The following GLB1L3 variants were observed in gnomAD, a reference collection of about 807,000 sequenced individuals.
GLB1L3 encodes beta-galactosidase-1-like protein 3.
A neutral mutation model predicts 89.5 loss-of-function variants in GLB1L3; 89 were observed. That is an observed-to-expected ratio of 0.99 (90% CI 0.84 to 1.19). The LOEUF (loss-of-function observed/expected upper bound fraction) is 1.19. GLB1L3 is among the 50% of genes most tolerant of loss of function. GLB1L3 has a pLI of 0.00. For missense variants in GLB1L3, 812 were observed against 813.3 expected, an observed-to-expected ratio of 1.00 and a Z score of 0.02; for synonymous variants, 314 against 312.3, an observed-to-expected ratio of 1.01 and a Z score of -0.06.
At chr11:134,318,807 G>A (rs748789347) in intron 19 of GLB1L3, 60 bp downstream of exon 19, 1 of 1,533,886 alleles carries the variant, frequency 6.5e-7, no homozygotes, top group Middle Eastern at 1.7e-4. Flanking sequence ...AATGTGAGTT[G>A]CAGTGTCTTT....
At chr11:134,318,493 A>G (rs2136238809) in intron 18 of GLB1L3, 138 bp from the exon 19 acceptor site, 3 of 618,880 alleles carry the variant, frequency 4.8e-6, no homozygotes, top group South Asian at 1.9e-5. Context: ...TAGAAGTTCT[A>G]TAACATATCC....
Position 134,282,093 on chromosome 11 carries a change from G to C in GLB1L3, c.500G>C (p.Ser167Thr). ...VILRPGRYICSEMDLGGLPSW... is the reference protein window; with the variant it reads ...VILRPGRYICTEMDLGGLPSW... ...CTGCGTCCAGGCCGCTACATCTGCA[G>C]TGAGATGGACCTCGGGGGCTTGCCC... Residue 167 changes from serine to threonine, a missense_variant, in exon 5 of 20, where the codon AGT (serine) becomes ACT (threonine). Ser to Thr is a moderately conservative substitution (Grantham distance 58). Around this residue, in one of 3 missense-constraint regions of GLB1L3, gnomAD observed 618 missense variants for 604.0 expected, o/e 1.02. Transcript: ENST00000431683. 6.4e-7 allele frequency: 1 copy of C among 1,565,682 alleles called. No homozygotes were observed. The highest frequency in any genetic ancestry group is 8.7e-7 in the Non-Finnish European group (1 of 1,152,000).
At chr11:134,322,980 A>C (rs1943184578), downstream of GLB1L3, among the ~76,000 whole-genome samples, 1 of 152,190 alleles carries the variant, frequency 6.6e-6, no homozygotes. Context: ...TAACTTTTCC[A>C]TAAAGCATTA....
intron 7 of GLB1L3, among the ~76,000 whole-genome samples, chr11:134,290,072 G>A (rs886999995): frequency 7.9e-5 from 12 of 152,254 alleles, no homozygotes; most frequent in East Asian, 3.8e-4. Flanking sequence ...TGGCTCCCGC[G>A]CTATAGCTGT....
In GLB1L3 at chr11:134,293,223, G is replaced by A; in HGVS notation, c.876+14G>A. 1 of 1,609,354 alleles carries A rather than the reference G, an allele frequency of 6.2e-7. No homozygotes were observed. Among genetic ancestry groups the A allele is most frequent in the East Asian group, 2.2e-5 (1 of 44,828 alleles). ...CATAAAGTCCAGGTAAGACATTTCA[G>A]ACAGGCAGGGTTTTACAGCTCCTCC... On this transcript the variant is annotated intron_variant, in intron 9 of 19. Transcript: ENST00000431683.
In GLB1L3 at chr11:134,318,908, C is replaced by T; in HGVS notation, c.1928C>T (p.Ser643Leu). ...VILFEKMMSG[S>L]DIKSTDKPTL Reference sequence around the variant, plus strand: ...TTGTTTGAGAAGATGATGAGTGGCTCAGATATCAAATCTACAGACAAGCCC... The same window carrying T: ...TTGTTTGAGAAGATGATGAGTGGCTTAGATATCAAATCTACAGACAAGCCC... The change falls in exon 20 of 20, where the codon TCA becomes TTA. Residue 643 changes from serine to leucine, a missense_variant. Physicochemically the swap from Ser to Leu is moderately radical, Grantham distance 145. Coordinates refer to ENST00000431683, the MANE Select transcript of GLB1L3 (RefSeq NM_001080407.3). The T allele has an allele frequency of 2.5e-6, 4 of 1,613,198 alleles. No homozygotes were observed. The highest frequency in any genetic ancestry group is 3.4e-6 in the Non-Finnish European group (4 of 1,179,510).
At chr11:134,311,454 C>T (rs190227217) in intron 13 of GLB1L3, 50 of 275,650 alleles carry the variant, frequency 1.8e-4, no homozygotes, top group East Asian at 1.5e-3. Flanking sequence ...GTGGTCCTTA[C>T]GGAATCCACG....
intron 9 of GLB1L3, among the ~76,000 whole-genome samples, chr11:134,306,261 TA>T (rs1942200371): frequency 1.3e-5 from 2 of 152,248 alleles, no homozygotes. Flanking sequence ...CATATGCCTT[TA>T]AAATTTGAGG....
intron 9 of GLB1L3, 124 bp downstream of exon 9, chr11:134,293,333 C>T (rs562328892): frequency 2.4e-4 from 187 of 779,804 alleles, no homozygotes; most frequent in Admixed American, 2.2e-3. Context: ...CCTGGGTCCT[C>T]GGCAGGTTCC....
intron 15 of GLB1L3, among the ~76,000 whole-genome samples, chr11:134,313,091 G>A (rs551038738): frequency 6.6e-6 from 1 of 152,294 alleles, no homozygotes; most frequent in South Asian, 2.1e-4. Flanking sequence ...GTGTGCTGGA[G>A]GGGAGGGGAT....
At chr11:134,283,059 C>T (rs760048316) in intron 5 of GLB1L3, among the ~76,000 whole-genome samples, 7 of 152,056 alleles carry the variant, frequency 4.6e-5, no homozygotes, top group Non-Finnish European at 7.4e-5. Context: ...TTTTTTCTGT[C>T]CCCAAGAATT....
intron 15 of GLB1L3, 86 bp from the exon 16 acceptor site, chr11:134,313,310 C>T: frequency 1.0e-6 from 1 of 969,038 alleles, no homozygotes; most frequent in Non-Finnish European, 1.6e-6. Flanking sequence ...ATGTGTCTCT[C>T]CATGTGGGAC....
At chr11:134,318,066 G>A (rs1943055348) in intron 18 of GLB1L3, among the ~76,000 whole-genome samples, 1 of 151,852 alleles carries the variant, frequency 6.6e-6, no homozygotes, top group Non-Finnish European at 1.5e-5. Flanking sequence ...CTTATATGTA[G>A]CATATAACTA....
rs891224879 is a variant in GLB1L3 at position 134,301,558 on chromosome 11, A to G, written c.877-5566A>G. On this transcript the variant is annotated intron_variant, in intron 9 of 19. Coordinates refer to ENST00000431683, the MANE Select transcript of GLB1L3 (RefSeq NM_001080407.3). The stretch of plus-strand genomic sequence containing the variant: ...TCAGAAGCATGTTGGTTCTTTTCAA[A>G]GAACCGATTTTTTTTTAAGTTGTCT... Among the ~76,000 whole-genome samples, 3 of 152,080 alleles carry G rather than the reference A, an allele frequency of 2.0e-5. No individual in the cohort carries two copies. In the East Asian group the frequency reaches 5.8e-4, roughly 29 times the overall value.
chr11:134,282,353 C>T (rs949547521), intron 5 of GLB1L3, among the ~76,000 whole-genome samples: 1 of 152,062 alleles, frequency 6.6e-6, no homozygotes, highest in Non-Finnish European at 1.5e-5. Flanking sequence ...AAGCTCCAGA[C>T]GTTGGTCCTG....
intron 9 of GLB1L3, among the ~76,000 whole-genome samples, chr11:134,302,414 CT>C (rs1205874399): frequency 3.3e-5 from 5 of 152,082 alleles, no homozygotes; most frequent in African/African-American, 9.7e-5. Flanking sequence ...TTTTCTCTGA[CT>C]TTGGACATCA....
chr11:134,316,901 T>A (rs547529147), intron 18 of GLB1L3: 1 of 152,378 alleles, frequency 6.6e-6, no homozygotes, highest in South Asian at 2.1e-4. Flanking sequence ...GAAGCTTCCC[T>A]GGGTCCAGAA....
intron 5 of GLB1L3, among the ~76,000 whole-genome samples, chr11:134,283,122 G>A (rs1322135135): frequency 6.6e-6 from 1 of 152,052 alleles, no homozygotes; most frequent in Non-Finnish European, 1.5e-5. Flanking sequence ...GAGTCCAGTG[G>A]CGCGATCTCG....
downstream of GLB1L3, among the ~76,000 whole-genome samples, chr11:134,324,424 A>C (rs1000226673): frequency 6.6e-6 from 1 of 152,240 alleles, no homozygotes; most frequent in African/African-American, 2.4e-5. Context: ...TACTAAAAAT[A>C]CCAGCATATA....
Sources: gnomAD v4.1 joint callset for allele counts (sites outside exome capture counted in the v4.1 genomes callset) on GRCh38, gnomAD v4.1.1 for gene constraint, gnomAD v4.1.1 regional missense constraint, MANE v1.5 for transcripts, NCBI Gene and HGNC (gene_info 2026-07-23, HGNC 2026-07-21) for gene names.